Variants in GSK3B observed in about 807,000 individuals in gnomAD.
The protein encoded by GSK3B is glycogen synthase kinase 3 beta.
In GSK3B, 15 loss-of-function variants were observed where a neutral mutation model predicts 56.4. The observed-to-expected ratio is 0.27, with a 90% CI of 0.18 to 0.41. The LOEUF (loss-of-function observed/expected upper bound fraction) is 0.41, where lower values mean the gene tolerates loss of function less well. Ranked by LOEUF, GSK3B falls within the 10% of genes least tolerant of loss-of-function variation. GSK3B has a pLI of 1.00. For missense variants in GSK3B, 300 were observed against 513.4 expected, an observed-to-expected ratio of 0.58 and a Z score of 4.02; for synonymous variants, 181 against 188.9, an observed-to-expected ratio of 0.96 and a Z score of 0.34.
intron 2 of GSK3B, among the ~76,000 whole-genome samples, chr3:119,972,975 A>T (rs1390926214): frequency 6.6e-6 from 1 of 152,176 alleles, no homozygotes; most frequent in Non-Finnish European, 1.5e-5. Flanking sequence ...CTGTGGTATA[A>T]TTTAGAAAAA....
At chr3:119,981,734 C>T (rs2057465343) in intron 2 of GSK3B, among the ~76,000 whole-genome samples, 1 of 152,262 alleles carries the variant, frequency 6.6e-6, no homozygotes, top group Non-Finnish European at 1.5e-5. Flanking sequence ...ACAACACCTA[C>T]AGCCTCTAGA....
At chr3:120,067,860 C>T (rs1409432016) in intron 1 of GSK3B, among the ~76,000 whole-genome samples, 1 of 152,072 alleles carries the variant, frequency 6.6e-6, no homozygotes, top group African/African-American at 2.4e-5. Context: ...AAAATAGCAA[C>T]CAAATGCTAC....
At chr3:119,931,961 TA>T (rs2056950085) in intron 3 of GSK3B, among the ~76,000 whole-genome samples, 1 of 152,166 alleles carries the variant, frequency 6.6e-6, no homozygotes, top group Non-Finnish European at 1.5e-5. Flanking sequence ...AACTCCACAT[TA>T]AAACCACACA....
At chr3:119,930,247 C>T (rs1307074902) in intron 3 of GSK3B, among the ~76,000 whole-genome samples, 1 of 152,090 alleles carries the variant, frequency 6.6e-6, no homozygotes, top group African/African-American at 2.4e-5. Flanking sequence ...CTTCCCTTGT[C>T]TCAATATTTT....
At chr3:119,930,396 A>G (rs2056934470) in intron 3 of GSK3B, among the ~76,000 whole-genome samples, 1 of 152,078 alleles carries the variant, frequency 6.6e-6, no homozygotes, top group Admixed American at 6.6e-5. Flanking sequence ...AACTAACTAC[A>G]AGCATTCTAG....
At chr3:119,904,172 A>C (rs2056657947) in intron 7 of GSK3B, among the ~76,000 whole-genome samples, 1 of 92,048 alleles carries the variant, frequency 1.1e-5, no homozygotes, top group Non-Finnish European at 3.2e-5. Context: ...TTGTTACTGA[A>C]GTACCTATAT....
intron 1 of GSK3B, among the ~76,000 whole-genome samples, chr3:120,018,123 C>A (rs1206407887): frequency 6.6e-6 from 1 of 151,978 alleles, no homozygotes; most frequent in African/African-American, 2.4e-5. Context: ...ACAGTTAGAC[C>A]CATTATCTCA....
At chr3:119,850,238 A>G (rs545512037) in intron 9 of GSK3B, among the ~76,000 whole-genome samples, 29 of 152,298 alleles carry the variant, frequency 1.9e-4, no homozygotes, top group Non-Finnish European at 4.0e-4. Flanking sequence ...GGTGGGGTCC[A>G]AGATGTGAAG....
intron 7 of GSK3B, among the ~76,000 whole-genome samples, chr3:119,894,646 A>C (rs1053980813): frequency 6.6e-6 from 1 of 152,110 alleles, no homozygotes; most frequent in Non-Finnish European, 1.5e-5. Context: ...CATACTGTAG[A>C]TACAAATCCC....
Position 119,826,566 on chromosome 3 carries a change from C to G in GSK3B, c.*222G>C, listed in dbSNP as rs577837728. 4 of 584,264 alleles carry G rather than the reference C, an allele frequency of 6.8e-6. No homozygotes were observed. The East Asian group carries it at 9.6e-5, about 14-fold the overall frequency. The allele number at this position is 584,264 out of a possible 1,614,324, so 36.2% of individuals were successfully genotyped here. Reference sequence around the variant, plus strand: ...TTCCCCCTCCCCACAACCCCTCCCACCCCCTGGATCTCCCTCAAAGTGAGA... The same window carrying G: ...TTCCCCCTCCCCACAACCCCTCCCAGCCCCTGGATCTCCCTCAAAGTGAGA... On this transcript the variant is annotated 3_prime_UTR_variant, in exon 11 of 11. Transcript: ENST00000264235.
chr3:119,902,785 G>A (rs2056637811), intron 7 of GSK3B, among the ~76,000 whole-genome samples: 1 of 152,070 alleles, frequency 6.6e-6, no homozygotes, highest in Admixed American at 6.6e-5. Flanking sequence ...CATAATCTTG[G>A]CTTACTGCAA....
intron 2 of GSK3B, among the ~76,000 whole-genome samples, chr3:119,948,419 G>A (rs140135172): frequency 3.3e-5 from 5 of 152,258 alleles, no homozygotes; most frequent in African/African-American, 9.6e-5. Flanking sequence ...CTGACCTTTC[G>A]GAGTTGGGCT....
rs185423179 is a variant in GSK3B at position 119,980,394 on chromosome 3, C to T, written c.282+21652G>A. ...TAAGACAGAGTTTCGCTCTTGTTGC[C>T]CAGGCTGAAGTACAATAGCACAATC... is the stretch of plus-strand genomic sequence containing the variant. On this transcript the variant is annotated intron_variant, in intron 2 of 10. Transcript: ENST00000264235. Among the ~76,000 whole-genome samples, 97 of 152,112 alleles carry T rather than the reference C, an allele frequency of 6.4e-4. 1 individual carries two copies. The highest frequency in any genetic ancestry group is 1.6e-4 in the Non-Finnish European group (11 of 68,018).
At chr3:120,067,200 C>G (rs929748072) in intron 1 of GSK3B, among the ~76,000 whole-genome samples, 2 of 145,992 alleles carry the variant, frequency 1.4e-5, no homozygotes, top group Admixed American at 1.4e-4. Flanking sequence ...TAAAGGATCT[C>G]TTCAAAAGAA....
chr3:119,900,627 A>G (rs913324418), intron 7 of GSK3B, among the ~76,000 whole-genome samples: 4 of 152,146 alleles, frequency 2.6e-5, no homozygotes, highest in African/African-American at 9.6e-5. Flanking sequence ...TCATTTATGT[A>G]AGAAAGTTAA....
intron 2 of GSK3B, among the ~76,000 whole-genome samples, chr3:119,988,521 C>T (rs1186449893): frequency 6.6e-6 from 1 of 152,188 alleles, no homozygotes; most frequent in Admixed American, 6.5e-5. Context: ...GAATAATATG[C>T]TTTCCTTTAA....
chr3:119,880,078 G>A (rs1438909162), intron 7 of GSK3B, among the ~76,000 whole-genome samples: 3 of 151,574 alleles, frequency 2.0e-5, no homozygotes, highest in African/African-American at 7.3e-5. Context: ...AACTTACATC[G>A]CCACCAGCAA....
At chr3:119,850,322 T>C (rs2055912554) in intron 9 of GSK3B, among the ~76,000 whole-genome samples, 1 of 152,140 alleles carries the variant, frequency 6.6e-6, no homozygotes, top group African/African-American at 2.4e-5. Context: ...TCACTACTAC[T>C]TCTACATCCT....
At chr3:119,991,516 A>T in intron 2 of GSK3B, among the ~76,000 whole-genome samples, 1 of 150,862 alleles carries the variant, frequency 6.6e-6, no homozygotes, top group African/African-American at 2.4e-5. Flanking sequence ...TCACCAAAAA[A>T]AAAAAAAAAA....
Sources: allele counts gnomAD v4.1 joint callset (sites outside exome capture counted in the v4.1 genomes callset), GRCh38; gene constraint gnomAD v4.1.1; transcripts MANE v1.5; gene names NCBI Gene and HGNC (gene_info 2026-07-23, HGNC 2026-07-21).